Variants in PRKN observed in about 807,000 individuals in gnomAD.
The protein encoded by PRKN is parkin RBR E3 ubiquitin protein ligase.
In PRKN, 56 loss-of-function variants were observed where a neutral mutation model predicts 59.5. The ratio of observed to expected loss-of-function variants is 0.94; its 90% CI spans 0.76 to 1.18. The LOEUF is 1.18. Ranked by LOEUF, PRKN falls within the 50% of genes most tolerant of loss-of-function variation. The probability of loss-of-function intolerance (pLI) is 0.00; values close to 1 mark genes in which losing one functional copy is unlikely to be tolerated. For missense variants in PRKN, 657 were observed against 596.4 expected, an observed-to-expected ratio of 1.10 and a Z score of -1.06; for synonymous variants, 250 against 222.1, an observed-to-expected ratio of 1.13 and a Z score of -1.12.
chr6:162,450,241 A>T (rs1247178921), intron 1 of PRKN, among the ~76,000 whole-genome samples: 1 of 151,590 alleles, frequency 6.6e-6, no homozygotes, highest in African/African-American at 2.4e-5. Context: ...GTGACAGTAA[A>T]TCCCCTGTGA....
At chr6:162,461,146 T>C (rs1233107915) in intron 1 of PRKN, among the ~76,000 whole-genome samples, 2 of 151,552 alleles carry the variant, frequency 1.3e-5, no homozygotes, top group African/African-American at 4.9e-5. Flanking sequence ...TACAAGAATA[T>C]GATACATGCT....
rs1790104146 is a variant in PRKN at position 161,459,265 on chromosome 6, C to T, written c.1084-72388G>A. Among the ~76,000 whole-genome samples the T allele has an allele frequency of 6.6e-6, 1 of 152,214 alleles. No individual in the cohort carries two copies. ...TTTGTGGGCTTCTCTTCCTGCCAGTCTGCAACCTAAAGGAAATGCTGTGGT... is the reference window on the plus strand; with the variant it reads ...TTTGTGGGCTTCTCTTCCTGCCAGTTTGCAACCTAAAGGAAATGCTGTGGT... On this transcript the variant is annotated intron_variant, in intron 9 of 11. Coordinates refer to ENST00000366898, the MANE Select transcript of PRKN (RefSeq NM_004562.3). This position sits in a 1 kb window ranked among gnomAD's most constrained non-coding sequence, Gnocchi z 4.8.
rs1029396658 is a variant in PRKN, at chr6:161,561,411, C to T, written c.933+7944G>A. 6.6e-6 allele frequency among the ~76,000 whole-genome samples: 1 copy of T among 152,286 alleles called. No individual in the cohort carries two copies. Among genetic ancestry groups the T allele is most frequent in the African/African-American group, 2.4e-5 (1 of 41,554 alleles). ...TTCACTGAGGAGAGAGGAATCATGG[C>T]TGATGTCCTGATGTGCTCAACAGAT... On this transcript the variant is annotated intron_variant, in intron 8 of 11. Transcript: ENST00000366898. This position sits in a 1 kb window ranked among gnomAD's most constrained non-coding sequence, Gnocchi z 5.0.
At chr6:162,634,338 G>A (rs1001538152) in intron 1 of PRKN, among the ~76,000 whole-genome samples, 1 of 151,978 alleles carries the variant, frequency 6.6e-6, no homozygotes, top group African/African-American at 2.4e-5. Context: ...CTTAAAAAAT[G>A]GAAAACCCAG....
chr6:161,536,931 C>T (rs1263144276), intron 9 of PRKN, among the ~76,000 whole-genome samples: 1 of 152,146 alleles, frequency 6.6e-6, no homozygotes, highest in East Asian at 1.9e-4. Flanking sequence ...TGAAGCAGTT[C>T]CCATCCATCC....
chr6:161,383,960 A>G (rs1257559142), intron 10 of PRKN, among the ~76,000 whole-genome samples: 1 of 152,190 alleles, frequency 6.6e-6, no homozygotes, highest in Admixed American at 6.5e-5. Context: ...TTGTTTTCAA[A>G]TAAGAGGAAT....
intron 7 of PRKN, among the ~76,000 whole-genome samples, chr6:161,646,186 CGTGCGTGGTGG>C (rs1783935408): frequency 1.5e-5 from 1 of 64,586 alleles, no homozygotes; most frequent in African/African-American, 6.8e-5. Context: ...ACTGCGTGTG[CGTGCGTGGTGG>C]AGGAGGCGGC....
intron 6 of PRKN, among the ~76,000 whole-genome samples, chr6:161,929,676 A>G (rs1460442823): frequency 1.3e-5 from 2 of 151,822 alleles, no homozygotes; most frequent in African/African-American, 2.4e-5. Flanking sequence ...GGCACACGCC[A>G]CCACACCTGG....
At chr6:161,387,285 A>G (rs532920574) in intron 9 of PRKN, among the ~76,000 whole-genome samples, 7 of 152,282 alleles carry the variant, frequency 4.6e-5, no homozygotes, top group Admixed American at 3.9e-4. Flanking sequence ...TTCTTGTGAT[A>G]GTGAGTGAGT....
rs149794446 is a variant in PRKN, at chr6:161,555,783, T to A, written c.934-6780A>T. Reference sequence around the variant, plus strand: ...CACATGGCCTGAGTTTGGCATAGTATCTTGTCAATAGTTTGTGGACAGTAA... The same window carrying A: ...CACATGGCCTGAGTTTGGCATAGTAACTTGTCAATAGTTTGTGGACAGTAA... On this transcript the variant is annotated intron_variant, in intron 8 of 11. Transcript: ENST00000366898. 1.1e-4 allele frequency among the ~76,000 whole-genome samples: 16 copies of A among 152,330 alleles called. No homozygotes were observed. The East Asian group carries it at 3.1e-3, about 29-fold the overall frequency.
intron 1 of PRKN, among the ~76,000 whole-genome samples, chr6:162,512,328 AGGG>A (rs1192995942): frequency 6.6e-6 from 1 of 152,182 alleles, no homozygotes; most frequent in South Asian, 2.1e-4. Flanking sequence ...TACTCACAAA[AGGG>A]GGGAAAACAT....
At chr6:162,361,625 T>C (rs915035560) in intron 2 of PRKN, among the ~76,000 whole-genome samples, 2 of 151,996 alleles carry the variant, frequency 1.3e-5, no homozygotes, top group African/African-American at 2.4e-5. Flanking sequence ...AGAGAGAAAA[T>C]GGAGAGAAAT....
chr6:162,348,419 T>A (rs1175873579), intron 2 of PRKN, among the ~76,000 whole-genome samples: 1 of 152,162 alleles, frequency 6.6e-6, no homozygotes, highest in Non-Finnish European at 1.5e-5. Context: ...CAATATCTGA[T>A]ATCCAGATAT....
rs140607496 is a variant in PRKN at position 161,578,603 on chromosome 6, A to G, written c.872-9187T>C. ...CTTGAAAGATCTGCAATAAGCGCTT[A>G]AGCCCAGATCCCCAGGCTCTATGAA... On this transcript the variant is annotated intron_variant, in intron 7 of 11. Transcript: ENST00000366898. This position sits in a 1 kb window ranked among gnomAD's most constrained non-coding sequence, Gnocchi z 4.2. Among the ~76,000 whole-genome samples the G allele has an allele frequency of 3.8e-3, 571 of 152,246 alleles. 2 individuals are homozygous for G. The highest frequency in any genetic ancestry group is 0.013 in the African/African-American group (558 of 41,558).
chr6:162,199,557 G>A (rs534664612), intron 4 of PRKN, among the ~76,000 whole-genome samples: 1 of 152,266 alleles, frequency 6.6e-6, no homozygotes, highest in African/African-American at 2.4e-5. Context: ...TGGGGTAGAT[G>A]AGGTTGTGTC....
At chr6:162,458,467 T>G in intron 1 of PRKN, among the ~76,000 whole-genome samples, 1 of 151,594 alleles carries the variant, frequency 6.6e-6, no homozygotes, top group South Asian at 2.1e-4. Flanking sequence ...TAATAGAGGT[T>G]TGTAAGAATA....
At chr6:162,102,848 C>T (rs895419721) in intron 4 of PRKN, among the ~76,000 whole-genome samples, 1 of 147,050 alleles carries the variant, frequency 6.8e-6, no homozygotes, top group Non-Finnish European at 1.5e-5. Context: ...TCGAGACCAT[C>T]CTGGCTAACA....
chr6:161,660,711 T>C (rs1369837358), intron 7 of PRKN, among the ~76,000 whole-genome samples: 3 of 152,224 alleles, frequency 2.0e-5, no homozygotes, highest in African/African-American at 7.2e-5. Context: ...ACTCTGTTGC[T>C]GCAGGCTCAG....
chr6:162,246,956 C>A (rs1779225221), intron 3 of PRKN, among the ~76,000 whole-genome samples: 1 of 152,014 alleles, frequency 6.6e-6, no homozygotes, highest in Non-Finnish European at 1.5e-5. Context: ...AGGCTGAAAA[C>A]AAAAGCAATG....
Sources: gnomAD v4.1 joint callset for allele counts (sites outside exome capture counted in the v4.1 genomes callset) on GRCh38, gnomAD v4.1.1 for gene constraint, Gnocchi (gnomAD v3.1) non-coding constraint, MANE v1.5 for transcripts, NCBI Gene and HGNC (gene_info 2026-07-23, HGNC 2026-07-21) for gene names.